RAD50: variants seen among roughly 807,000 people sequenced by gnomAD.
The protein encoded by RAD50 is RAD50 double strand break repair protein, also known as DNA repair protein RAD50.
In RAD50, 132 loss-of-function variants were observed where a neutral mutation model predicts 168.8. That is an observed-to-expected ratio of 0.78 (90% confidence interval 0.68 to 0.90). The LOEUF (loss-of-function observed/expected upper bound fraction) is 0.90. RAD50 is among the 40% of genes least tolerant of loss of function. RAD50 has a pLI of 0.00. For missense variants in RAD50, 1,347 were observed against 1,534.4 expected (o/e 0.88, Z 2.04); for synonymous variants, 525 against 497.4 (o/e 1.06, Z -0.74).
intron 3 of RAD50, among the ~76,000 whole-genome samples, chr5:132,578,524 CTTTTTTTTTT>C (rs903882684): frequency 7.1e-5 from 6 of 84,342 alleles, no homozygotes; most frequent in South Asian, 4.1e-4. Context: ...TTTTTTCTTT[CTTTTTTTTTT>C]TTTTTTTTTT....
rs772155267 is a variant in RAD50, at chr5:132,604,014, A to G, written c.2492A>G (p.Glu831Gly). 14 of 1,613,626 alleles carry G rather than the reference A, an allele frequency of 8.7e-6. No homozygotes were observed. In the Admixed American group the frequency reaches 1.3e-4, roughly 15 times the overall value. ...LDRTVQQVNQ[E>G]KQEKQHKLDT... is the part of the protein sequence containing the mutation. ...CGAACTGTCCAACAAGTCAACCAGGAGAAACAAGAGAAACAGCACAAGTTA... is the reference window on the plus strand; with the variant it reads ...CGAACTGTCCAACAAGTCAACCAGGGGAAACAAGAGAAACAGCACAAGTTA... Residue 831 changes from glutamate (E) to glycine (G), a missense_variant, in exon 15 of 25, where the codon GAG becomes GGG. Transcript: ENST00000378823.
At chr5:132,583,808 C>T (rs147001802) in intron 5 of RAD50, among the ~76,000 whole-genome samples, 4,229 of 151,634 alleles carry the variant, frequency 0.028, 205 homozygotes, top group African/African-American at 0.097. Context: ...ATTCTCCTAC[C>T]TCAGCCTCCC....
chr5:132,629,014 C>G (rs1400575275), intron 21 of RAD50, among the ~76,000 whole-genome samples: 1 of 152,080 alleles, frequency 6.6e-6, no homozygotes, highest in Non-Finnish European at 1.5e-5. Flanking sequence ...AAGTATTTTG[C>G]TGCAAGGTCA....
chr5:132,621,429 G>A (rs904071805), intron 21 of RAD50, among the ~76,000 whole-genome samples: 4 of 152,234 alleles, frequency 2.6e-5, no homozygotes, highest in African/African-American at 9.6e-5. Context: ...TCACAAATGA[G>A]TAATAATTAT....
At chr5:132,573,078 A>G (rs1192695409) in intron 2 of RAD50, among the ~76,000 whole-genome samples, 1 of 152,258 alleles carries the variant, frequency 6.6e-6, no homozygotes, top group African/African-American at 2.4e-5. Flanking sequence ...ATATATCAGT[A>G]TCAGTTTCCT....
chr5:132,602,430 A>G (rs2149846579), intron 13 of RAD50, among the ~76,000 whole-genome samples: 2 of 152,330 alleles, frequency 1.3e-5, no homozygotes, highest in Admixed American at 1.3e-4. Flanking sequence ...AATAGTTGTC[A>G]GTACCTGCCA....
Position 132,564,804 on chromosome 5 carries a change from C to A in RAD50, c.213+5437C>A, listed in dbSNP as rs573906428. On this transcript the variant is annotated intron_variant, in intron 2 of 24. Coordinates refer to ENST00000378823, the MANE Select transcript of RAD50 (RefSeq NM_005732.4). ...ACTCCCTGTGTTTCAGCCACTCCAG[C>A]TCCAGCCATGGCTAAAAGGGCCCCA... Among the ~76,000 whole-genome samples the A allele has an allele frequency of 2.0e-5, 3 of 152,156 alleles. No individual in the cohort carries two copies. The East Asian group carries it at 5.8e-4, about 29-fold the overall frequency.
chr5:132,592,034 AG>A lies in RAD50; in HGVS notation c.1793+1del. The stretch of plus-strand genomic sequence containing the variant: ...ACCAGGGACAGACTTGCCAAATTGA[AG>A]TAAGTTGCAACATTTGGAGATGTAA... On this transcript the variant is annotated splice_donor_variant, in intron 11 of 24. Coordinates refer to ENST00000378823, the MANE Select transcript of RAD50 (RefSeq NM_005732.4). LOFTEE classifies it high-confidence loss of function. The A allele has an allele frequency of 6.2e-7, 1 of 1,609,142 alleles. No homozygotes were observed. Among genetic ancestry groups the A allele is most frequent in the East Asian group, 2.2e-5 (1 of 44,714 alleles).
At chr5:132,626,303 C>T (rs61028222) in intron 21 of RAD50, among the ~76,000 whole-genome samples, 1,599 of 152,204 alleles carry the variant, frequency 0.011, 33 homozygotes, top group African/African-American at 0.037. Context: ...ATTTCCTTTG[C>T]GTAAATATCC....
At chr5:132,593,828 A>G (rs994437258) in intron 11 of RAD50, among the ~76,000 whole-genome samples, 8 of 152,220 alleles carry the variant, frequency 5.3e-5, no homozygotes, top group African/African-American at 1.9e-4. Flanking sequence ...GGGAAGCACA[A>G]ACATTTAAAA....
intron 13 of RAD50, 150 bp downstream of exon 13, chr5:132,595,960 T>C: frequency 1.3e-6 from 1 of 766,508 alleles, no homozygotes. Flanking sequence ...GATTCAATTA[T>C]TTTGTTTAAA....
rs992571236 is a variant in RAD50, at chr5:132,640,825, G to C, written c.3752+20G>C. On this transcript the variant is annotated intron_variant, in intron 24 of 24. Coordinates refer to ENST00000378823, the MANE Select transcript of RAD50 (RefSeq NM_005732.4). ...GGTTGAGTAAGTATCTCTTGCACAT[G>C]CTCTGGTTGAGTAAGTATCTCACAT... The C allele has an allele frequency of 6.2e-7, 1 of 1,613,922 alleles. No individual in the cohort carries two copies. Among genetic ancestry groups the C allele is most frequent in the African/African-American group, 1.3e-5 (1 of 74,918 alleles).
At chr5:132,608,145 A>G (rs889591652) in intron 16 of RAD50, among the ~76,000 whole-genome samples, 2 of 152,226 alleles carry the variant, frequency 1.3e-5, no homozygotes, top group African/African-American at 4.8e-5. Context: ...TGTTTTTACC[A>G]TCATGTTTTC....
chr5:132,618,516 T>TTACA (rs1371126710), intron 21 of RAD50, among the ~76,000 whole-genome samples: 1 of 152,126 alleles, frequency 6.6e-6, no homozygotes, highest in Non-Finnish European at 1.5e-5. Flanking sequence ...GTAGCTGGTA[T>TTACA]TACAGGTGCA....
intron 8 of RAD50, 29 bp downstream of exon 8, chr5:132,588,909 AT>A (rs1366095026): frequency 8.2e-6 from 13 of 1,582,412 alleles, no homozygotes; most frequent in Non-Finnish European, 1.1e-5. Flanking sequence ...AGTATTTGTT[AT>A]TTTGTTTGCA....
At chr5:132,607,106 C>T (rs1750998543) in intron 16 of RAD50, among the ~76,000 whole-genome samples, 4 of 152,098 alleles carry the variant, frequency 2.6e-5, no homozygotes, top group Admixed American at 2.6e-4. Context: ...TGTGTGGTTC[C>T]TAAGTGATAG....
At position 132,572,061 on chromosome 5, in the gene RAD50, A is replaced by C. The variant is rs1223248193; in HGVS notation, c.214-3716A>C. Among the ~76,000 whole-genome samples the C allele has an allele frequency of 2.6e-5, 4 of 152,212 alleles. No individual in the cohort carries two copies. In the East Asian group the frequency reaches 7.7e-4, roughly 29 times the overall value. ...TCTAAAGGACGTACTGGGACAAGTG[A>C]ATTAGGCTGTAGAAAAAGAAAAAAA... On this transcript the variant is annotated intron_variant, in intron 2 of 24. Transcript: ENST00000378823.
At chr5:132,593,211 A>T (rs549079317) in intron 11 of RAD50, 12 of 181,852 alleles carry the variant, frequency 6.6e-5, no homozygotes, top group African/African-American at 2.8e-4. Flanking sequence ...TTCCACCCAC[A>T]CTTCACCATA....
rs757145249 is a variant in RAD50 at position 132,646,092 on chromosome 5, C to CAAAAAAAAAAAAAAAAAAAAAAAAAAAA, written c.*3749_*3750insAAAAAAAAAAAAAAAAAAAAAAAAAAAA. Reference sequence around the variant, plus strand: ...CAGAGTGAGACCCTGTCTAAAAAGACAAAAAAAAAAAAAAAAAAAAAGCAG... The same window carrying CAAAAAAAAAAAAAAAAAAAAAAAAAAAA: ...CAGAGTGAGACCCTGTCTAAAAAGACAAAAAAAAAAAAAAAAAAAAAAAAAAAAAAAAAAAAAAAAAAAAAAAAAGCAG... On this transcript the variant is annotated 3_prime_UTR_variant, in exon 25 of 25. Coordinates refer to ENST00000378823, the MANE Select transcript of RAD50 (RefSeq NM_005732.4). The CAAAAAAAAAAAAAAAAAAAAAAAAAAAA allele has an allele frequency of 1.3e-5, 1 of 77,170 alleles. No homozygotes were observed. The highest frequency in any genetic ancestry group is 4.5e-5 in the African/African-American group (1 of 22,120). The allele number at this position is 77,170 out of a possible 1,614,324, so 4.8% of individuals were successfully genotyped here.
Sources: allele counts gnomAD v4.1 joint callset (sites outside exome capture counted in the v4.1 genomes callset), GRCh38; gene constraint gnomAD v4.1.1; transcripts MANE v1.5; gene names NCBI Gene and HGNC (gene_info 2026-07-23, HGNC 2026-07-21).